Variants in RELN observed in about 807,000 individuals in gnomAD.
RELN encodes reelin.
Under a neutral mutation model 427.6 loss-of-function variants are expected in RELN, and 108 were observed. The observed-to-expected ratio is 0.25, with a 90% CI of 0.22 to 0.30. RELN has a LOEUF of 0.30. Ranked by LOEUF, RELN falls within the 10% of genes least tolerant of loss-of-function variation. The pLI is 1.00. For synonymous variants in RELN, 1,524 were observed against 1,513.4 expected (o/e 1.01, Z -0.16); for missense variants, 3,715 against 4,302.8 (o/e 0.86, Z 3.82).
chr7:103,486,068 A>C, intron 61 of RELN, 129 bp downstream of exon 61: 1 of 857,478 alleles, frequency 1.2e-6, no homozygotes, highest in East Asian at 2.5e-5. Context: ...TCCCAAATTC[A>C]AATGACAGGT....
At chr7:103,702,158 C>T (rs756357363) in intron 8 of RELN, among the ~76,000 whole-genome samples, 1 of 152,210 alleles carries the variant, frequency 6.6e-6, no homozygotes, top group Non-Finnish European at 1.5e-5. Flanking sequence ...CCACCTTATG[C>T]TACTTTAATT....
intron 12 of RELN, 93 bp downstream of exon 12, chr7:103,661,283 C>T (rs538273496): frequency 2.2e-5 from 29 of 1,333,372 alleles, no homozygotes; most frequent in African/African-American, 1.6e-4. Flanking sequence ...TTTCATTTTA[C>T]GTAGTTGACA....
rs760661703 is a variant in RELN at position 103,553,799 on chromosome 7, A to G, written c.5830T>C (p.Phe1944Leu). 6.2e-7 allele frequency: 1 copy of G among 1,614,106 alleles called. No homozygotes were observed. Among genetic ancestry groups the G allele is most frequent in the Non-Finnish European group, 8.5e-7 (1 of 1,179,988 alleles). The change falls in exon 39 of 65, where the codon TTC (phenylalanine) becomes CTC (leucine). Residue 1944 changes from phenylalanine to leucine, a missense_variant. Phe to Leu is a conservative substitution (Grantham distance 22). Around this residue, in one of 4 missense-constraint regions of RELN, gnomAD observed 1,310 missense variants for 1,643.0 expected, o/e 0.80. Transcript: ENST00000428762. Reference sequence around the variant, plus strand: ...TTTACATTATTTCCATCGATAATGAAGTCATCAACAATCCAGATTTCTTCT... The same window carrying G: ...TTTACATTATTTCCATCGATAATGAGGTCATCAACAATCCAGATTTCTTCT... ...KKEEIWIVDD[F>L]IIDGNNVNNP...
chr7:103,861,356 G>T (rs926409660), intron 2 of RELN, among the ~76,000 whole-genome samples: 1 of 152,170 alleles, frequency 6.6e-6, no homozygotes, highest in East Asian at 1.9e-4. Flanking sequence ...ATTATTATCA[G>T]TTTGGGGATG....
At chr7:103,884,220 GCTAA>G (rs1370835358) in intron 2 of RELN, among the ~76,000 whole-genome samples, 2 of 152,142 alleles carry the variant, frequency 1.3e-5, no homozygotes, top group Admixed American at 6.6e-5. Flanking sequence ...GGAAAAACTG[GCTAA>G]CTATGTGCAG....
chr7:103,738,051 G>C (rs1470353721), intron 6 of RELN, among the ~76,000 whole-genome samples: 2 of 150,494 alleles, frequency 1.3e-5, no homozygotes, highest in African/African-American at 4.9e-5. Context: ...CTGCTGAGTA[G>C]GACATCTCTG....
intron 2 of RELN, among the ~76,000 whole-genome samples, chr7:103,905,050 T>C (rs1795168814): frequency 1.4e-5 from 2 of 145,678 alleles, no homozygotes; most frequent in Admixed American, 1.4e-4. Context: ...GTGCAATCTC[T>C]GCTCACTGCA....
At chr7:103,958,184 C>G (rs1796474359) in intron 1 of RELN, among the ~76,000 whole-genome samples, 1 of 152,188 alleles carries the variant, frequency 6.6e-6, no homozygotes, top group African/African-American at 2.4e-5. Context: ...AATGAATAAT[C>G]CCCTCCCCTG....
intron 31 of RELN, among the ~76,000 whole-genome samples, chr7:103,571,248 G>A (rs1273803307): frequency 6.6e-6 from 1 of 152,182 alleles, no homozygotes; most frequent in Non-Finnish European, 1.5e-5. Flanking sequence ...CTCTTTACAT[G>A]TTGCTGAGAC....
chr7:103,646,021 T>A (rs1208239112), intron 16 of RELN, among the ~76,000 whole-genome samples: 1 of 151,744 alleles, frequency 6.6e-6, no homozygotes, highest in Non-Finnish European at 1.5e-5. Context: ...AACAACCTGC[T>A]CCTGAATGAT....
intron 5 of RELN, among the ~76,000 whole-genome samples, chr7:103,749,904 G>T (rs1790952496): frequency 6.6e-6 from 1 of 152,192 alleles, no homozygotes; most frequent in Non-Finnish European, 1.5e-5. Context: ...GGAAGGGACG[G>T]TGGGAGGTAA....
At chr7:103,632,338 C>G (rs1832488340) in intron 19 of RELN, among the ~76,000 whole-genome samples, 1 of 152,156 alleles carries the variant, frequency 6.6e-6, no homozygotes, top group Admixed American at 6.5e-5. Flanking sequence ...ACCTTAGTAC[C>G]CAGAGCAGTA....
chr7:103,779,091 G>T (rs145614524), intron 3 of RELN, among the ~76,000 whole-genome samples: 149 of 152,278 alleles, frequency 9.8e-4, no homozygotes, highest in Admixed American at 1.8e-3. Context: ...TCAGGTCTTA[G>T]ATTCGAGGCC....
At chr7:103,729,316 G>A (rs980094459) in intron 6 of RELN, among the ~76,000 whole-genome samples, 2 of 152,064 alleles carry the variant, frequency 1.3e-5, no homozygotes, top group Admixed American at 1.3e-4. Context: ...AAAAGGAGTA[G>A]AACACCCATC....
chr7:103,663,335 G>A (rs1336655064), intron 11 of RELN, among the ~76,000 whole-genome samples: 6 of 152,118 alleles, frequency 3.9e-5, no homozygotes, highest in Non-Finnish European at 8.8e-5. Flanking sequence ...TCAATGCCCA[G>A]CAGATCCTCA....
intron 11 of RELN, among the ~76,000 whole-genome samples, chr7:103,665,352 G>T (rs980865019): frequency 2.0e-4 from 26 of 130,164 alleles, no homozygotes; most frequent in African/African-American, 7.8e-4. Flanking sequence ...GTGTGTGTGT[G>T]TGTGTGTGTG....
chr7:103,872,028 A>ATT (rs142665123), intron 2 of RELN, among the ~76,000 whole-genome samples: 13,711 of 104,694 alleles, frequency 0.13, 878 homozygotes, highest in East Asian at 0.32. Context: ...ATATATATAT[A>ATT]TATTTTTCTT....
At chr7:103,930,584 C>T (rs1433750227) in intron 1 of RELN, among the ~76,000 whole-genome samples, 3 of 152,070 alleles carry the variant, frequency 2.0e-5, no homozygotes, top group Admixed American at 2.0e-4. Context: ...CCCTCCTCAG[C>T]CTCCTGAGTC....
rs577358485 is a variant in RELN at position 103,842,258 on chromosome 7, A to AT, written c.338-8587dup. On this transcript the variant is annotated intron_variant, in intron 2 of 64. Transcript: ENST00000428762. ...GATATCTAAAGGCTTCCATCAGTTAATAAAAAAAAAAAACACAGACTGTTC... is the reference window on the plus strand; with the variant it reads ...GATATCTAAAGGCTTCCATCAGTTAATTAAAAAAAAAAAACACAGACTGTTC... Among the ~76,000 whole-genome samples, 712 of 151,806 alleles carry AT rather than the reference A, an allele frequency of 4.7e-3. 1 individual carries two copies. Among genetic ancestry groups the AT allele is most frequent in the Middle Eastern group, 0.014 (4 of 294 alleles).
Sources: allele counts gnomAD v4.1 joint callset (sites outside exome capture counted in the v4.1 genomes callset), GRCh38; gene constraint gnomAD v4.1.1; regional missense constraint gnomAD v4.1.1; transcripts MANE v1.5; gene names NCBI Gene and HGNC (gene_info 2026-07-23, HGNC 2026-07-21).